The following SLC22A16 variants were observed in gnomAD, a reference collection of about 807,000 sequenced individuals.
The protein encoded by SLC22A16 is WUGSC:RG331P03.1.
SLC22A16 carries 53 observed loss-of-function variants against 52.9 expected under a neutral mutation model. The ratio of observed to expected loss-of-function variants is 1.00; its 90% CI spans 0.80 to 1.26. SLC22A16 has a LOEUF of 1.26. Ranked by LOEUF, SLC22A16 falls within the 50% of genes most tolerant of loss-of-function variation. The pLI is 0.00. For synonymous variants in SLC22A16, 291 were observed against 268.8 expected (o/e 1.08, Z -0.81); for missense variants, 726 against 704.0 (o/e 1.03, Z -0.35).
chr6:110,476,167 G>A (rs1199533909), intron 1 of SLC22A16: 18 of 461,872 alleles, frequency 3.9e-5, no homozygotes, highest in African/African-American at 2.0e-4. Flanking sequence ...GGGCGGCCAG[G>A]CACAGGCACC....
At chr6:110,427,066 A>C (rs1774286093) in intron 7 of SLC22A16, among the ~76,000 whole-genome samples, 1 of 151,460 alleles carries the variant, frequency 6.6e-6, no homozygotes, top group Non-Finnish European at 1.5e-5. Flanking sequence ...AGCCTGGGCA[A>C]TATGGTGAAA....
intron 7 of SLC22A16, among the ~76,000 whole-genome samples, chr6:110,429,935 GGCTTGCA>G (rs1774428677): frequency 6.6e-6 from 1 of 152,048 alleles, no homozygotes; most frequent in Non-Finnish European, 1.5e-5. Context: ...GAGAAGGGAA[GGCTTGCA>G]GTGGGGCTGA....
chr6:110,460,448 TG>T (rs1775825619), intron 1 of SLC22A16, among the ~76,000 whole-genome samples: 1 of 152,118 alleles, frequency 6.6e-6, no homozygotes. Flanking sequence ...GACTGGCCCC[TG>T]GGGAGCCTGG....
intron 1 of SLC22A16, among the ~76,000 whole-genome samples, chr6:110,473,795 G>A (rs573796849): frequency 6.6e-6 from 1 of 151,986 alleles, no homozygotes; most frequent in East Asian, 1.9e-4. Flanking sequence ...AAAGTGCTGG[G>A]ATTACAGGCA....
chr6:110,466,549 G>C (rs940995835), intron 1 of SLC22A16, among the ~76,000 whole-genome samples: 2 of 151,984 alleles, frequency 1.3e-5, no homozygotes, highest in African/African-American at 4.8e-5. Context: ...AATCATCAGA[G>C]AAATGCAAAT....
chr6:110,434,835 G>A (rs185920247), intron 6 of SLC22A16, among the ~76,000 whole-genome samples: 69 of 152,246 alleles, frequency 4.5e-4, no homozygotes, highest in Admixed American at 2.4e-3. Context: ...AAAATTAGCC[G>A]GGTGTAGTGG....
chr6:110,470,205 C>T (rs1317617483), intron 1 of SLC22A16, among the ~76,000 whole-genome samples: 2 of 152,068 alleles, frequency 1.3e-5, no homozygotes, highest in Non-Finnish European at 2.9e-5. Context: ...TTGTTGAGAG[C>T]CTAAGGAGCA....
intron 3 of SLC22A16, among the ~76,000 whole-genome samples, chr6:110,443,310 A>G (rs1302403284): frequency 6.6e-6 from 1 of 152,262 alleles, no homozygotes; most frequent in Non-Finnish European, 1.5e-5. Flanking sequence ...AGAACTGGAT[A>G]AAATATTTGC....
chr6:110,444,312 A>T (rs924917312), intron 3 of SLC22A16, among the ~76,000 whole-genome samples: 3 of 152,048 alleles, frequency 2.0e-5, no homozygotes, highest in Non-Finnish European at 4.4e-5. Context: ...TTTCTACAAA[A>T]TTTTTTCATA....
intron 1 of SLC22A16, 179 bp downstream of exon 1, chr6:110,476,343 A>C: frequency 7.2e-7 from 1 of 1,384,252 alleles, no homozygotes. Context: ...CCAGAGGCCT[A>C]GAGGAGAAGC....
At chr6:110,454,630 TTA>T (rs1401370640) in intron 2 of SLC22A16, among the ~76,000 whole-genome samples, 12 of 47,408 alleles carry the variant, frequency 2.5e-4, no homozygotes, top group South Asian at 9.6e-4. Context: ...TAATATATAT[TTA>T]TATATATTAT....
rs1218651384 is a variant in SLC22A16, at chr6:110,456,918, G to A, written c.153C>T (p.Val51=). 6.2e-7 allele frequency: 1 copy of A among 1,613,648 alleles called. No individual in the cohort carries two copies. Among genetic ancestry groups the A allele is most frequent in the Non-Finnish European group, 8.5e-7 (1 of 1,179,856 alleles). The part of the protein sequence containing the change: ...SVFMGVTPHH[V]CRPPGNVSQV... ...GACTCACATTGCCTGGGGGCCTGCA[G>A]ACATGATGAGGGGTGACTCCCATGA... Residue 51 remains valine (V), a synonymous_variant, in exon 2 of 8, where the codon GTC becomes GTT. Transcript: ENST00000368919.
Position 110,442,741 on chromosome 6 carries a change from T to C in SLC22A16, c.686A>G (p.Tyr229Cys), listed in dbSNP as rs1338177957. The stretch of plus-strand genomic sequence containing the variant: ...CTTCATGCCAATGAATTCCATCACA[T>C]AGACAAACCCCACCACAAGATAGCC... ...ASGYLVVGFV[Y>C]VMEFIGMKSR... Residue 229 changes from tyrosine (Y) to cysteine (C), a missense_variant, in exon 4 of 8, where the codon TAT becomes TGT. Physicochemically the swap from Tyr to Cys is radical, Grantham distance 194. Transcript: ENST00000368919. 3.7e-6 allele frequency: 6 copies of C among 1,613,864 alleles called. No homozygotes were observed. The highest frequency in any genetic ancestry group is 2.2e-5 in the South Asian group (2 of 91,030).
chr6:110,442,553 G>A lies in SLC22A16; in HGVS notation c.874C>T (p.Pro292Ser). 2 of 1,614,156 alleles carry A rather than the reference G, an allele frequency of 1.2e-6. No homozygotes were observed. The highest frequency in any genetic ancestry group is 4.5e-5 in the East Asian group (2 of 44,882). The change falls in exon 4 of 8, where the codon CCT becomes TCT. Residue 292 changes from proline to serine, a missense_variant. Physicochemically the swap from Pro to Ser is moderately conservative, Grantham distance 74 (BLOSUM62 -1). Transcript: ENST00000368919. Reference protein sequence around the residue: ...ILCCWVLPETPFWLLSEGRYE... With the variant: ...ILCCWVLPETSFWLLSEGRYE... Reference sequence around the variant, plus strand: ...CGTCCCTCTGAGAGAAGCCAAAAAGGTGTCTCTGGGAGCACCCAACAGCAC... The same window carrying A: ...CGTCCCTCTGAGAGAAGCCAAAAAGATGTCTCTGGGAGCACCCAACAGCAC...
chr6:110,433,957 C>A (rs1219500335), intron 6 of SLC22A16, among the ~76,000 whole-genome samples: 1 of 152,030 alleles, frequency 6.6e-6, no homozygotes, highest in South Asian at 2.1e-4. Flanking sequence ...AAAAGTCTGA[C>A]GGGCCGGACG....
At chr6:110,452,570 A>C (rs936596658) in intron 2 of SLC22A16, among the ~76,000 whole-genome samples, 1 of 152,178 alleles carries the variant, frequency 6.6e-6, no homozygotes, top group Non-Finnish European at 1.5e-5. Flanking sequence ...GCAGTGGTGC[A>C]TGCCTGTAAT....
At position 110,456,979 on chromosome 6, in the gene SLC22A16, T is replaced by C. The variant is rs767748098; in HGVS notation, c.92A>G (p.Asn31Ser). The C allele has an allele frequency of 2.8e-5, 44 of 1,567,156 alleles. No homozygotes were observed. The highest frequency in any genetic ancestry group is 3.8e-5 in the Non-Finnish European group (44 of 1,158,434). ...RVLYFICAFQ[N>S]ISCGIHYLAS... ...CAAGTAGTGAATACCACAAGAGATG[T>C]TCTGGAAGGCACATATGAAATAGAG... is the stretch of plus-strand genomic sequence containing the variant. Residue 31 changes from asparagine (N) to serine (S), a missense_variant, in exon 2 of 8, where the codon AAC (asparagine) becomes AGC (serine). Transcript: ENST00000368919.
At chr6:110,439,613 G>A (rs547821751) in intron 4 of SLC22A16, among the ~76,000 whole-genome samples, 71 of 152,294 alleles carry the variant, frequency 4.7e-4, no homozygotes, top group African/African-American at 1.2e-3. Context: ...CAGATGTGCC[G>A]TCAGAGCACT....
intron 1 of SLC22A16, among the ~76,000 whole-genome samples, chr6:110,462,608 G>C (rs1775925184): frequency 6.6e-6 from 1 of 152,070 alleles, no homozygotes; most frequent in Non-Finnish European, 1.5e-5. Flanking sequence ...AATGAATAAA[G>C]TCTTTGAGAA....
Sources: gnomAD v4.1 joint callset for allele counts (sites outside exome capture counted in the v4.1 genomes callset) on GRCh38, gnomAD v4.1.1 for gene constraint, MANE v1.5 for transcripts, NCBI Gene and HGNC (gene_info 2026-07-23, HGNC 2026-07-21) for gene names.